Variants in KCNIP4 observed in about 807,000 individuals in gnomAD.
KCNIP4 encodes Kv channel-interacting protein 4.
KCNIP4 carries 12 observed loss-of-function variants against 34.0 expected under a neutral mutation model. The observed-to-expected ratio is 0.35, with a 90% CI of 0.23 to 0.57. KCNIP4 has a LOEUF of 0.57. Among genes scored for constraint, KCNIP4 ranks in the 20% least tolerant of loss-of-function variants. KCNIP4 has a pLI of 0.83. For missense variants in KCNIP4, 238 were observed against 311.7 expected, an observed-to-expected ratio of 0.76 and a Z score of 1.78; for synonymous variants, 124 against 102.2, an observed-to-expected ratio of 1.21 and a Z score of -1.29.
chr4:20,908,855 A>G (rs1015020304), intron 1 of KCNIP4, among the ~76,000 whole-genome samples: 1 of 152,204 alleles, frequency 6.6e-6, no homozygotes, highest in African/African-American at 2.4e-5. Context: ...TGAGAGGTTA[A>G]ATGACATAAT....
intron 1 of KCNIP4, chr4:21,847,084 G>A (rs1476776376): frequency 6.6e-6 from 1 of 152,064 alleles, no homozygotes; most frequent in Non-Finnish European, 1.5e-5. Context: ...AGCCAGTTTG[G>A]CCTTGTCTCT....
intron 1 of KCNIP4, among the ~76,000 whole-genome samples, chr4:20,885,154 T>C (rs1008208470): frequency 4.6e-5 from 7 of 152,162 alleles, no homozygotes; most frequent in African/African-American, 1.7e-4. Flanking sequence ...TAAATGATAA[T>C]GGCCCTTCCC....
At chr4:21,883,575 G>T (rs934372336) in intron 1 of KCNIP4, among the ~76,000 whole-genome samples, 1 of 152,104 alleles carries the variant, frequency 6.6e-6, no homozygotes, top group African/African-American at 2.4e-5. Context: ...TGTTCTGTTT[G>T]ATCTAAAAGC....
At chr4:21,574,764 T>G (rs114259769) in intron 1 of KCNIP4, among the ~76,000 whole-genome samples, 37 of 152,246 alleles carry the variant, frequency 2.4e-4, no homozygotes, top group African/African-American at 8.4e-4. Context: ...AGAAAGTATC[T>G]TGACAACAAA....
At chr4:21,216,678 T>C (rs1387833136) in intron 1 of KCNIP4, among the ~76,000 whole-genome samples, 1 of 152,156 alleles carries the variant, frequency 6.6e-6, no homozygotes, top group Non-Finnish European at 1.5e-5. Context: ...TGGCTTCTTG[T>C]TAAACTAGTA....
At chr4:20,847,932 G>T (rs962680781) in intron 3 of KCNIP4, among the ~76,000 whole-genome samples, 12 of 152,070 alleles carry the variant, frequency 7.9e-5, no homozygotes, top group Admixed American at 5.9e-4. Context: ...TGAGGTAATT[G>T]GTGTTTAGGG....
intron 1 of KCNIP4, chr4:21,729,731 TA>T (rs1468920085): frequency 7.2e-5 from 4 of 55,532 alleles, no homozygotes; most frequent in Admixed American, 5.2e-4. Context: ...ATCAAGAAAC[TA>T]AGTTGACAGT....
At chr4:20,748,869 C>CAT (rs1560431604) in intron 5 of KCNIP4, among the ~76,000 whole-genome samples, 2 of 117,786 alleles carry the variant, frequency 1.7e-5, no homozygotes, top group South Asian at 2.9e-4. Context: ...ATATGAATTA[C>CAT]GTGTGTGTGT....
At chr4:21,313,825 G>T (rs1050588623) in intron 1 of KCNIP4, among the ~76,000 whole-genome samples, 1 of 152,168 alleles carries the variant, frequency 6.6e-6, no homozygotes, top group Non-Finnish European at 1.5e-5. Flanking sequence ...AACTCAGGAT[G>T]GCACCTCTCT....
chr4:20,958,938 G>T (rs1307269890), intron 1 of KCNIP4, among the ~76,000 whole-genome samples: 1 of 152,188 alleles, frequency 6.6e-6, no homozygotes, highest in Non-Finnish European at 1.5e-5. Context: ...CAGCGCTGGG[G>T]ATTAACCTTT....
At chr4:21,329,096 CA>C (rs1332186157) in intron 1 of KCNIP4, among the ~76,000 whole-genome samples, 2 of 152,146 alleles carry the variant, frequency 1.3e-5, no homozygotes, top group African/African-American at 2.4e-5. Context: ...CTTGCAAAAG[CA>C]AAAAATAAAC....
chr4:21,783,118 A>G (rs1271687424), intron 1 of KCNIP4, among the ~76,000 whole-genome samples: 1 of 149,986 alleles, frequency 6.7e-6, no homozygotes, highest in Admixed American at 6.7e-5. Context: ...TGCACATGTG[A>G]TAAAATGACA....
chr4:21,591,258 A>G (rs867737020), intron 1 of KCNIP4, among the ~76,000 whole-genome samples: 12 of 152,164 alleles, frequency 7.9e-5, no homozygotes, highest in Non-Finnish European at 1.6e-4. Context: ...TTCTGCCAGT[A>G]TGAGGTCAAA....
At chr4:21,236,229 CT>C (rs952320573) in intron 1 of KCNIP4, among the ~76,000 whole-genome samples, 1 of 152,012 alleles carries the variant, frequency 6.6e-6, no homozygotes, top group African/African-American at 2.4e-5. Flanking sequence ...AAACTTTTTT[CT>C]TTAAAGATCT....
chr4:21,459,533 C>G (rs1729263374), intron 1 of KCNIP4, among the ~76,000 whole-genome samples: 1 of 151,938 alleles, frequency 6.6e-6, no homozygotes. Context: ...ACTGACAGCT[C>G]CCAAAAGTAT....
intron 3 of KCNIP4, among the ~76,000 whole-genome samples, chr4:20,841,309 C>A (rs1451225789): frequency 6.6e-6 from 1 of 152,104 alleles, no homozygotes; most frequent in East Asian, 1.9e-4. Context: ...GCCTGAAGGG[C>A]TGAGAATTTT....
intron 1 of KCNIP4, among the ~76,000 whole-genome samples, chr4:21,661,962 T>A (rs998667224): frequency 6.6e-6 from 1 of 152,154 alleles, no homozygotes; most frequent in African/African-American, 2.4e-5. Context: ...AAGAGAAAAT[T>A]TTCAGTTGCT....
At chr4:20,992,935 G>A (rs1737211721) in intron 1 of KCNIP4, among the ~76,000 whole-genome samples, 1 of 150,054 alleles carries the variant, frequency 6.7e-6, no homozygotes, top group Admixed American at 6.7e-5. Flanking sequence ...GGCTGAGGCA[G>A]GAGAATCACT....
intron 1 of KCNIP4, among the ~76,000 whole-genome samples, chr4:21,466,241 C>A (rs1171714558): frequency 6.6e-6 from 1 of 152,128 alleles, no homozygotes; most frequent in Non-Finnish European, 1.5e-5. Flanking sequence ...ACACTAAACA[C>A]CGAACTCCAA....
Sources: allele counts gnomAD v4.1 joint callset (sites outside exome capture counted in the v4.1 genomes callset), GRCh38; gene constraint gnomAD v4.1.1; transcripts MANE v1.5; gene names NCBI Gene and HGNC (gene_info 2026-07-23, HGNC 2026-07-21).